Variants in IGFBP5 observed in about 807,000 individuals in gnomAD.
IGFBP5 encodes the protein insulin-like growth factor-binding protein 5.
IGFBP5 carries 12 observed loss-of-function variants against 28.0 expected under a neutral mutation model. The ratio of observed to expected loss-of-function variants is 0.43; its 90% CI spans 0.27 to 0.69. The LOEUF (loss-of-function observed/expected upper bound fraction) is 0.69, where lower values mean the gene tolerates loss of function less well. IGFBP5 is among the 30% of genes least tolerant of loss of function. The pLI, the probability that IGFBP5 is intolerant of heterozygous loss-of-function variation, is 0.20. For synonymous variants in IGFBP5, 152 were observed against 150.2 expected (o/e 1.01, Z -0.09); for missense variants, 344 against 381.6 (o/e 0.90, Z 0.82).
chr2:216,694,920 G>C lies in IGFBP5; in HGVS notation c.-145C>G, dbSNP rs1689150850. The C allele has an allele frequency of 2.0e-6, 1 of 492,144 alleles. No individual in the cohort carries two copies. The highest frequency in any genetic ancestry group is 3.3e-6 in the Non-Finnish European group (1 of 302,908). The allele number at this position is 492,144 out of a possible 1,614,324, so 30.5% of individuals were successfully genotyped here. A position where few individuals can be genotyped will look rare whatever the true frequency, so the allele number is the denominator to read the frequency against. ...CAGGTAGAGCAGGTGCCCTCCCCCA[G>C]ACACTTGCAAAAATGTAGAGAGAGG... On this transcript the variant is annotated 5_prime_UTR_variant, in exon 1 of 4. Transcript: ENST00000233813. This position sits in a 1 kb window ranked among gnomAD's most constrained non-coding sequence, Gnocchi z 5.2.
At chr2:216,678,646 C>T in intron 2 of IGFBP5, 1 of 599,086 alleles carries the variant, frequency 1.7e-6, no homozygotes, top group Non-Finnish European at 3.0e-6. Context: ...AGCACCGCCT[C>T]TATTCCCACT....
Position 216,679,073 on chromosome 2 carries a change from T to A in IGFBP5, c.344A>T (p.Asp115Val). The change falls in exon 2 of 4, where the codon GAC (aspartate) becomes GTC (valine). Residue 115 changes from aspartate to valine, a missense_variant. Coordinates refer to ENST00000233813, the MANE Select transcript of IGFBP5 (RefSeq NM_000599.4). This position sits in a 1 kb window ranked among gnomAD's most constrained non-coding sequence, Gnocchi z 4.6. ...GGTGGGCTCCTCGTGCTCACGGGAGTCTCTCTCTGCAGGAGAAGGAGCCGG... is the reference window on the plus strand; with the variant it reads ...GGTGGGCTCCTCGTGCTCACGGGAGACTCTCTCTGCAGGAGAAGGAGCCGG... ...SYREQVKIER[D>V]SREHEEPTTS... The A allele has an allele frequency of 6.2e-7, 1 of 1,613,524 alleles. No homozygotes were observed. The highest frequency in any genetic ancestry group is 8.5e-7 in the Non-Finnish European group (1 of 1,179,766).
intron 1 of IGFBP5, among the ~76,000 whole-genome samples, chr2:216,682,476 A>G (rs776377658): frequency 1.8e-4 from 27 of 152,164 alleles, no homozygotes; most frequent in Non-Finnish European, 3.8e-4. Context: ...TAGACTGGCT[A>G]CTCTGGAGCT....
chr2:216,679,284 T>C lies in IGFBP5; in HGVS notation c.338-205A>G, dbSNP rs928226483. 4.9e-6 allele frequency: 3 copies of C among 613,880 alleles called. No homozygotes were observed. Among genetic ancestry groups the C allele is most frequent in the Non-Finnish European group, 8.9e-6 (3 of 337,272 alleles). The allele number at this position is 613,880 out of a possible 1,614,324, so 38.0% of individuals were successfully genotyped here. A position where few individuals can be genotyped will look rare whatever the true frequency, so the allele number is the denominator to read the frequency against. ...TTTAAGTGGCAGGAAGTTTCTGGCA[T>C]GCTTGGAGTCAAGCAGAGAGTGCAG... is the stretch of plus-strand genomic sequence containing the variant. On this transcript the variant is annotated intron_variant, in intron 1 of 3. Coordinates refer to ENST00000233813, the MANE Select transcript of IGFBP5 (RefSeq NM_000599.4). The surrounding 1 kb of genome is among the most constrained non-coding windows in gnomAD (Gnocchi z 4.6).
chr2:216,688,352 G>A (rs1417715594), intron 1 of IGFBP5, among the ~76,000 whole-genome samples: 2 of 152,074 alleles, frequency 1.3e-5, no homozygotes, highest in Non-Finnish European at 2.9e-5. Context: ...TAAATATGAA[G>A]GAAAGAATGT....
chr2:216,679,161 G>A lies in IGFBP5; in HGVS notation c.338-82C>T. The A allele has an allele frequency of 9.3e-7, 1 of 1,074,432 alleles. No individual in the cohort carries two copies. The highest frequency in any genetic ancestry group is 2.0e-4 in the Middle Eastern group (1 of 5,062). The allele number at this position is 1,074,432 out of a possible 1,614,324, so 66.6% of individuals were successfully genotyped here. ...AGCCCAGGGCTGGGCAGTTTGGGGT[G>A]AGGGGAGTAATAAAGGCTGAAGCAG... On this transcript the variant is annotated intron_variant, in intron 1 of 3. Coordinates refer to ENST00000233813, the MANE Select transcript of IGFBP5 (RefSeq NM_000599.4). The surrounding 1 kb of genome is among the most constrained non-coding windows in gnomAD (Gnocchi z 4.6).
At chr2:216,693,270 T>C (rs536276142) in intron 1 of IGFBP5, among the ~76,000 whole-genome samples, 104 of 152,238 alleles carry the variant, frequency 6.8e-4, no homozygotes, top group African/African-American at 2.3e-3. Flanking sequence ...CCTAGACTCC[T>C]GGCGCCGAGA....
At position 216,694,084 on chromosome 2, in the gene IGFBP5, GT is replaced by G. The variant is rs1689136666; in HGVS notation, c.337+354del. On this transcript the variant is annotated intron_variant, in intron 1 of 3. Transcript: ENST00000233813. This position sits in a 1 kb window ranked among gnomAD's most constrained non-coding sequence, Gnocchi z 5.2. ...GGGCGCGAGGGGGGTGGAGGAGGGA[GT>G]TGATAATGTAACATACACTCTTTCA... Among the ~76,000 whole-genome samples the G allele has an allele frequency of 6.6e-6, 1 of 151,804 alleles. No homozygotes were observed. The highest frequency in any genetic ancestry group is 2.4e-5 in the African/African-American group (1 of 41,312).
intron 1 of IGFBP5, among the ~76,000 whole-genome samples, chr2:216,680,637 A>C (rs1688967969): frequency 6.6e-6 from 1 of 152,156 alleles, no homozygotes. Context: ...TCTGGTCTTT[A>C]AGGCCTTGGC....
chr2:216,672,699 C>T lies in IGFBP5; in HGVS notation c.*4052G>A, dbSNP rs920861331. ...ACTGGTGGAGTGGGGTGAGCGGGCA[C>T]AGGGAAGCTGGGGTCCCCTTCCCCT... On this transcript the variant is annotated 3_prime_UTR_variant, in exon 4 of 4. Transcript: ENST00000233813. 6 of 152,638 alleles carry T rather than the reference C, an allele frequency of 3.9e-5. No homozygotes were observed. The highest frequency in any genetic ancestry group is 4.1e-4 in the South Asian group (2 of 4,826). The allele number at this position is 152,638 out of a possible 1,614,324, so 9.5% of individuals were successfully genotyped here.
At position 216,694,787 on chromosome 2, in the gene IGFBP5, C is replaced by T. The variant is rs767727294; in HGVS notation, c.-12G>A. ...GTGAGCAACACCATCTTCTCTTAGTCGCCCCCTTTACCTCGGGGTGGGGCA... is the reference window on the plus strand; with the variant it reads ...GTGAGCAACACCATCTTCTCTTAGTTGCCCCCTTTACCTCGGGGTGGGGCA... On this transcript the variant is annotated 5_prime_UTR_variant, in exon 1 of 4. Transcript: ENST00000233813. This position sits in a 1 kb window ranked among gnomAD's most constrained non-coding sequence, Gnocchi z 5.2. 1.4e-6 allele frequency: 2 copies of T among 1,389,522 alleles called. No homozygotes were observed. Among genetic ancestry groups the T allele is most frequent in the Non-Finnish European group, 1.9e-6 (2 of 1,075,406 alleles). The allele number at this position is 1,389,522 out of a possible 1,614,324, so 86.1% of individuals were successfully genotyped here.
rs1005001439 is a variant in IGFBP5 at position 216,679,332 on chromosome 2, G to A, written c.338-253C>T. 1.1e-5 allele frequency: 6 copies of A among 535,182 alleles called. No homozygotes were observed. Among genetic ancestry groups the A allele is most frequent in the East Asian group, 3.4e-5 (1 of 29,800 alleles). The allele number at this position is 535,182 out of a possible 1,614,324, so 33.2% of individuals were successfully genotyped here. A position where few individuals can be genotyped will look rare whatever the true frequency, so the allele number is the denominator to read the frequency against. ...CAGGCAGGGAGGCTTCACAGAGGAG[G>A]AGAATCGAGAGACTGACAGACTGAT... On this transcript the variant is annotated intron_variant, in intron 1 of 3. Coordinates refer to ENST00000233813, the MANE Select transcript of IGFBP5 (RefSeq NM_000599.4). The surrounding 1 kb of genome is among the most constrained non-coding windows in gnomAD (Gnocchi z 4.6).
rs968290360 is a variant in IGFBP5, at chr2:216,694,820, G to A, written c.-45C>T. 3.8e-6 allele frequency: 5 copies of A among 1,309,214 alleles called. No homozygotes were observed. Among genetic ancestry groups the A allele is most frequent in the Admixed American group, 3.6e-5 (1 of 27,910 alleles). 81.1% of individuals were successfully genotyped at this position (1,309,214 alleles called of 1,614,324 possible). A position where few individuals can be genotyped will look rare whatever the true frequency, so the allele number is the denominator to read the frequency against. On this transcript the variant is annotated 5_prime_UTR_variant, in exon 1 of 4. Coordinates refer to ENST00000233813, the MANE Select transcript of IGFBP5 (RefSeq NM_000599.4). The surrounding 1 kb of genome is among the most constrained non-coding windows in gnomAD (Gnocchi z 5.2). ...TTACCTCGGGGTGGGGCAGGAGAGC[G>A]AGAGTGCAGGGATAAAGGGGCCAAG...
rs1240750528 is a variant in IGFBP5, at chr2:216,695,059, C to G, written c.-284G>C. 9.1e-6 allele frequency: 3 copies of G among 327,876 alleles called. No individual in the cohort carries two copies. Among genetic ancestry groups the G allele is most frequent in the Non-Finnish European group, 1.1e-5 (2 of 181,574 alleles). 20.3% of individuals were successfully genotyped at this position (327,876 alleles called of 1,614,324 possible). On this transcript the variant is annotated 5_prime_UTR_variant, in exon 1 of 4. Coordinates refer to ENST00000233813, the MANE Select transcript of IGFBP5 (RefSeq NM_000599.4). ...ACGCAGTGAGCGGAGGCCGGAGAAACCCTCAAGCCTGAGCGGGTCAGAATT... is the reference window on the plus strand; with the variant it reads ...ACGCAGTGAGCGGAGGCCGGAGAAAGCCTCAAGCCTGAGCGGGTCAGAATT...
chr2:216,694,454 C>G lies in IGFBP5; in HGVS notation c.322G>C (p.Glu108Gln). The change falls in exon 1 of 4, where the codon GAG becomes CAG. Residue 108 changes from glutamate (E) to glutamine (Q), a missense_variant. Physicochemically the swap from Glu to Gln is conservative, Grantham distance 29 (BLOSUM62 2). Around this residue, in one of 3 missense-constraint regions of IGFBP5, gnomAD observed 304 missense variants for 329.2 expected, o/e 0.92. Coordinates refer to ENST00000233813, the MANE Select transcript of IGFBP5 (RefSeq NM_000599.4). This position sits in a 1 kb window ranked among gnomAD's most constrained non-coding sequence, Gnocchi z 5.2. ...GVCLNEKSYR[E>Q]QVKIERDSRE... is the part of the protein sequence containing the mutation. Reference sequence around the variant, plus strand: ...GCGCGCTCACCGATCTTGACTTGCTCGCGGTAGCTCTTTTCGTTGAGGCAA... The same window carrying G: ...GCGCGCTCACCGATCTTGACTTGCTGGCGGTAGCTCTTTTCGTTGAGGCAA... 3 of 1,566,714 alleles carry G rather than the reference C, an allele frequency of 1.9e-6. No individual in the cohort carries two copies. Among genetic ancestry groups the G allele is most frequent in the African/African-American group, 2.7e-5 (2 of 72,882 alleles).
intron 2 of IGFBP5, 156 bp downstream of exon 2, chr2:216,678,694 C>G: frequency 3.1e-6 from 2 of 635,972 alleles, no homozygotes; most frequent in Non-Finnish European, 5.5e-6. Flanking sequence ...AGTGTATGCT[C>G]TGGAAACTCT....
intron 1 of IGFBP5, among the ~76,000 whole-genome samples, chr2:216,686,415 C>T (rs1255047169): frequency 6.6e-6 from 1 of 152,076 alleles, no homozygotes; most frequent in East Asian, 1.9e-4. Flanking sequence ...CTCAGTAAAC[C>T]TTGATGCAGC....
chr2:216,672,584 C>A lies in IGFBP5; in HGVS notation c.*4167G>T, dbSNP rs1323292227. 3 of 152,502 alleles carry A rather than the reference C, an allele frequency of 2.0e-5. No homozygotes were observed. Among genetic ancestry groups the A allele is most frequent in the Non-Finnish European group, 2.9e-5 (2 of 68,006 alleles). The allele number at this position is 152,502 out of a possible 1,614,324, so 9.4% of individuals were successfully genotyped here. A position where few individuals can be genotyped will look rare whatever the true frequency, so the allele number is the denominator to read the frequency against. On this transcript the variant is annotated 3_prime_UTR_variant, in exon 4 of 4. Coordinates refer to ENST00000233813, the MANE Select transcript of IGFBP5 (RefSeq NM_000599.4). ...AAACAACCGGTAGGCAACTCGGAAT[C>A]TGAAGGAATCTTGTCTGACAACTGT...
At chr2:216,690,985 G>T (rs926228866) in intron 1 of IGFBP5, among the ~76,000 whole-genome samples, 12 of 151,660 alleles carry the variant, frequency 7.9e-5, no homozygotes, top group Admixed American at 1.3e-4. Context: ...TTGGCTCAGG[G>T]CACGCCATCC....
Sources: allele counts gnomAD v4.1 joint callset (sites outside exome capture counted in the v4.1 genomes callset), GRCh38; gene constraint gnomAD v4.1.1; regional missense constraint gnomAD v4.1.1; non-coding constraint Gnocchi (gnomAD v3.1); transcripts MANE v1.5; gene names NCBI Gene and HGNC (gene_info 2026-07-23, HGNC 2026-07-21).